The following GALNT2 variants were observed in gnomAD, a reference collection of about 807,000 sequenced individuals.
GALNT2 encodes the protein polypeptide N-acetylgalactosaminyltransferase 2.
Under a neutral mutation model 81.4 loss-of-function variants are expected in GALNT2, and 31 were observed. That is an observed-to-expected ratio of 0.38 (90% CI 0.29 to 0.51). The LOEUF (loss-of-function observed/expected upper bound fraction) is 0.51, where lower values mean the gene tolerates loss of function less well. GALNT2 is among the 20% of genes least tolerant of loss of function. The pLI is 0.87. For missense variants in GALNT2, 629 were observed against 765.7 expected (o/e 0.82, Z 2.11); for synonymous variants, 303 against 287.4 (o/e 1.05, Z -0.55).
rs539449959 is a variant in GALNT2, at chr1:230,262,774, G to A, written c.1229+109G>A. 1.2e-4 allele frequency: 155 copies of A among 1,326,242 alleles called. 1 individual carries two copies. The highest frequency in any genetic ancestry group is 8.1e-4 in the African/African-American group (56 of 69,230). 82.2% of individuals were successfully genotyped at this position (1,326,242 alleles called of 1,614,324 possible). On this transcript the variant is annotated intron_variant, in intron 12 of 15. Transcript: ENST00000366672. Reference sequence around the variant, plus strand: ...AATTCAGCTACCCAGGTGCCAAGGCGGGAAGGGGTTGTGGGCACAGGAGCA... The same window carrying A: ...AATTCAGCTACCCAGGTGCCAAGGCAGGAAGGGGTTGTGGGCACAGGAGCA...
chr1:230,084,037 C>T (rs1659827796), intron 1 of GALNT2, among the ~76,000 whole-genome samples: 1 of 152,174 alleles, frequency 6.6e-6, no homozygotes, highest in African/African-American at 2.4e-5. Context: ...CAGCAGCCCT[C>T]CCCCTTTGTA....
At chr1:230,175,685 TG>T (rs1338588356) in intron 1 of GALNT2, among the ~76,000 whole-genome samples, 1 of 137,996 alleles carries the variant, frequency 7.2e-6, no homozygotes, top group Non-Finnish European at 1.6e-5. Flanking sequence ...TCCTTCTCCT[TG>T]GGGGCTCCTC....
chr1:230,229,685 T>TG (rs1664814971), intron 3 of GALNT2, among the ~76,000 whole-genome samples: 1 of 152,132 alleles, frequency 6.6e-6, no homozygotes, highest in Admixed American at 6.5e-5. Flanking sequence ...TGACGTGTGG[T>TG]GTGTTCCTCC....
chr1:230,160,387 C>G (rs888669048), intron 1 of GALNT2, among the ~76,000 whole-genome samples: 1 of 152,142 alleles, frequency 6.6e-6, no homozygotes, highest in Admixed American at 6.5e-5. Flanking sequence ...CACCTCTGAT[C>G]TCTGAGGGCC....
chr1:230,158,549 G>T (rs894407642), intron 1 of GALNT2, among the ~76,000 whole-genome samples: 3 of 152,222 alleles, frequency 2.0e-5, no homozygotes, highest in Non-Finnish European at 4.4e-5. Flanking sequence ...CTTGACCTGA[G>T]ACTCTTCCAG....
upstream of GALNT2, among the ~76,000 whole-genome samples, chr1:230,065,814 T>G (rs981629855): frequency 6.6e-6 from 1 of 152,218 alleles, no homozygotes; most frequent in Non-Finnish European, 1.5e-5. Flanking sequence ...GTCAGGCCTC[T>G]GAAGGACATT....
intron 3 of GALNT2, among the ~76,000 whole-genome samples, chr1:230,214,115 CTTTTT>C (rs60360198): frequency 6.9e-6 from 1 of 145,222 alleles, no homozygotes. Context: ...CTTAACTTTA[CTTTTT>C]TTTTTTTTTG....
At chr1:230,150,987 C>T (rs980418844) in intron 1 of GALNT2, among the ~76,000 whole-genome samples, 1 of 152,232 alleles carries the variant, frequency 6.6e-6, no homozygotes, top group African/African-American at 2.4e-5. Flanking sequence ...GAGGCTGGTG[C>T]ACCCGGCATG....
intron 1 of GALNT2, among the ~76,000 whole-genome samples, chr1:230,174,379 G>A (rs187947458): frequency 5.9e-5 from 9 of 152,216 alleles, no homozygotes; most frequent in Admixed American, 3.9e-4. Flanking sequence ...TTAATTACCC[G>A]GGGCCTTTTC....
chr1:230,082,933 G>GA (rs796550832), intron 1 of GALNT2, among the ~76,000 whole-genome samples: 1 of 151,538 alleles, frequency 6.6e-6, no homozygotes, highest in Non-Finnish European at 1.5e-5. Context: ...TGATGGAGCC[G>GA]GGAGCTGGGA....
intron 1 of GALNT2, among the ~76,000 whole-genome samples, chr1:230,076,605 G>A (rs914841368): frequency 6.6e-6 from 1 of 152,212 alleles, no homozygotes; most frequent in African/African-American, 2.4e-5. Flanking sequence ...AAATGGAGAT[G>A]TGACTTCATG....
intron 15 of GALNT2, among the ~76,000 whole-genome samples, chr1:230,278,318 T>C (rs1347060871): frequency 1.3e-5 from 2 of 152,000 alleles, no homozygotes; most frequent in Non-Finnish European, 2.9e-5. Flanking sequence ...AGAGATGGGT[T>C]CTTGCTATGT....
chr1:230,168,703 T>C (rs1209645731), intron 1 of GALNT2, among the ~76,000 whole-genome samples: 4 of 152,206 alleles, frequency 2.6e-5, no homozygotes, highest in African/African-American at 9.7e-5. Context: ...TATTTTTTTC[T>C]AGAACAGTTT....
chr1:230,067,200 C>CG, upstream of GALNT2: 1 of 894,556 alleles, frequency 1.1e-6, no homozygotes, highest in Non-Finnish European at 1.4e-6. Flanking sequence ...TCCGCTCCTC[C>CG]CCCGGCCCCC....
At chr1:230,064,631 C>A (rs1455831028), upstream of GALNT2, among the ~76,000 whole-genome samples, 1 of 152,198 alleles carries the variant, frequency 6.6e-6, no homozygotes, top group Non-Finnish European at 1.5e-5. Context: ...AATGATTCTT[C>A]CACCTCAGCC....
intron 1 of GALNT2, among the ~76,000 whole-genome samples, chr1:230,097,064 C>T (rs1015382550): frequency 1.3e-5 from 2 of 152,144 alleles, no homozygotes; most frequent in Non-Finnish European, 1.5e-5. Flanking sequence ...AGAGAAATGT[C>T]GCTTGACATT....
intron 10 of GALNT2, 116 bp downstream of exon 10, chr1:230,250,676 C>A (rs1421494644): frequency 2.7e-5 from 18 of 661,772 alleles, no homozygotes; most frequent in Non-Finnish European, 4.7e-5. Context: ...TGGGCTTAAT[C>A]GATCCTTGCA....
chr1:230,171,103 T>C (rs1662777765), intron 1 of GALNT2, among the ~76,000 whole-genome samples: 1 of 152,228 alleles, frequency 6.6e-6, no homozygotes, highest in Non-Finnish European at 1.5e-5. Flanking sequence ...CTGAAGATTA[T>C]TCCTCTACAC....
intron 1 of GALNT2, among the ~76,000 whole-genome samples, chr1:230,103,331 A>G (rs189030975): frequency 2.0e-4 from 31 of 152,318 alleles, no homozygotes; most frequent in Admixed American, 1.8e-3. Flanking sequence ...ACCTTAATAT[A>G]CTTTGTATCC....
Sources: gnomAD v4.1 joint callset for allele counts (sites outside exome capture counted in the v4.1 genomes callset) on GRCh38, gnomAD v4.1.1 for gene constraint, MANE v1.5 for transcripts, NCBI Gene and HGNC (gene_info 2026-07-23, HGNC 2026-07-21) for gene names.